Variants in SSPN observed in about 807,000 individuals in gnomAD.
SSPN encodes the protein K-ras oncogene-associated protein.
SSPN carries 15 observed loss-of-function variants against 19.1 expected under a neutral mutation model. That is an observed-to-expected ratio of 0.78 (90% CI 0.52 to 1.21). The LOEUF (loss-of-function observed/expected upper bound fraction) is 1.21. SSPN is among the 50% of genes most tolerant of loss of function. SSPN has a pLI of 0.00. For missense variants in SSPN, 291 were observed against 314.0 expected, an observed-to-expected ratio of 0.93 and a Z score of 0.55; for synonymous variants, 147 against 140.3, an observed-to-expected ratio of 1.05 and a Z score of -0.34.
At chr12:26,122,472 C>A in intron 1 of SSPN, 1 of 1,344,092 alleles carries the variant, frequency 7.4e-7, no homozygotes, top group Non-Finnish European at 9.6e-7. Flanking sequence ...GAAGGGCAGG[C>A]AGAAGGGGGC....
At chr12:26,158,034 G>A (rs1255880304) in intron 1 of SSPN, among the ~76,000 whole-genome samples, 1 of 151,600 alleles carries the variant, frequency 6.6e-6, no homozygotes, top group Non-Finnish European at 1.5e-5. Context: ...CCAAATCCAA[G>A]GCAACTAGAA....
intron 1 of SSPN, among the ~76,000 whole-genome samples, chr12:26,160,480 C>T (rs991700651): frequency 2.6e-5 from 4 of 152,194 alleles, no homozygotes; most frequent in African/African-American, 9.6e-5. Flanking sequence ...TGCTATTTTA[C>T]AGTAACAGCC....
At chr12:26,169,421 A>G (rs1179305850) in intron 1 of SSPN, among the ~76,000 whole-genome samples, 1 of 152,134 alleles carries the variant, frequency 6.6e-6, no homozygotes, top group African/African-American at 2.4e-5. Flanking sequence ...AACATTATAG[A>G]AGGAATACAA....
chr12:26,145,989 C>T (rs1040258234), intron 1 of SSPN, among the ~76,000 whole-genome samples: 2 of 152,230 alleles, frequency 1.3e-5, no homozygotes, highest in Admixed American at 1.3e-4. Flanking sequence ...GACCATTGCC[C>T]TCTCACATTA....
intron 2 of SSPN, 64 bp from the exon 3 acceptor site, chr12:26,230,647 C>A: frequency 6.6e-7 from 1 of 1,515,208 alleles, no homozygotes; most frequent in South Asian, 1.3e-5. Context: ...TTGATGAATT[C>A]GCTTTGCAAA....
intron 1 of SSPN, among the ~76,000 whole-genome samples, chr12:26,223,655 T>A (rs1945146453): frequency 6.6e-6 from 1 of 152,222 alleles, no homozygotes; most frequent in Non-Finnish European, 1.5e-5. Context: ...AAAGGCTTTG[T>A]GCCTTTTCTT....
intron 1 of SSPN, among the ~76,000 whole-genome samples, chr12:26,140,092 G>A (rs1212184475): frequency 6.6e-6 from 1 of 152,106 alleles, no homozygotes; most frequent in African/African-American, 2.4e-5. Flanking sequence ...GCAAGCTCCA[G>A]TCTCATAAAT....
At chr12:26,211,564 A>G (rs1229965867) in intron 1 of SSPN, 1 of 152,230 alleles carries the variant, frequency 6.6e-6, no homozygotes, top group African/African-American at 2.4e-5. Context: ...CATCAAAGAA[A>G]GCACACTATA....
intron 1 of SSPN, among the ~76,000 whole-genome samples, chr12:26,138,096 TA>T (rs575314225): frequency 1.5e-4 from 23 of 152,344 alleles, no homozygotes; most frequent in African/African-American, 2.9e-4. Context: ...CATTTGCTTA[TA>T]ACCTATGCAC....
At position 26,186,479 on chromosome 12, in the gene SSPN, T is replaced by C. The variant is rs76843937; in HGVS notation, c.-30-37814T>C. 2.9e-3 allele frequency among the ~76,000 whole-genome samples: 444 copies of C among 152,336 alleles called. 4 individuals carry two copies. The highest frequency in any genetic ancestry group is 0.01 in the African/African-American group (424 of 41,568). On this transcript the variant is annotated intron_variant, in intron 1 of 2. Transcript: ENST00000538142. ...GCAAAAGCATTATAAATAGACACCA[T>C]ATAAAATATCTCTCCTGCCCTAGAA...
At chr12:26,157,643 T>C (rs1475274716) in intron 1 of SSPN, among the ~76,000 whole-genome samples, 1 of 152,214 alleles carries the variant, frequency 6.6e-6, no homozygotes, top group African/African-American at 2.4e-5. Flanking sequence ...CTAGAAATAA[T>C]GGTCAAGGTG....
At chr12:26,169,015 T>C (rs1944637783) in intron 1 of SSPN, among the ~76,000 whole-genome samples, 1 of 139,546 alleles carries the variant, frequency 7.2e-6, no homozygotes, top group Middle Eastern at 3.6e-3. Flanking sequence ...TAAAGGAAGA[T>C]TATGGGCCTC....
intron 1 of SSPN, among the ~76,000 whole-genome samples, chr12:26,145,471 A>T (rs748813840): frequency 6.6e-6 from 1 of 152,160 alleles, no homozygotes; most frequent in East Asian, 1.9e-4. Flanking sequence ...GGAATTGGGG[A>T]AAAGTACAGG....
chr12:26,208,017 G>GT (rs752020994), intron 1 of SSPN, among the ~76,000 whole-genome samples: 64 of 102,330 alleles, frequency 6.3e-4, no homozygotes, highest in Non-Finnish European at 1.0e-3. Context: ...AGTGGTGGTG[G>GT]TGGGGGGGGG....
At chr12:26,156,679 G>A (rs189885536) in intron 1 of SSPN, among the ~76,000 whole-genome samples, 3 of 152,316 alleles carry the variant, frequency 2.0e-5, no homozygotes, top group African/African-American at 7.2e-5. Context: ...TGCTGACTGC[G>A]ACGGAAGTTT....
intron 1 of SSPN, among the ~76,000 whole-genome samples, chr12:26,157,169 T>G: frequency 6.6e-6 from 1 of 152,202 alleles, no homozygotes; most frequent in Admixed American, 6.5e-5. Flanking sequence ...GTGGTAGGGT[T>G]TTCCGGGTGC....
At chr12:26,203,839 T>C (rs1393337574) in intron 1 of SSPN, among the ~76,000 whole-genome samples, 1 of 152,154 alleles carries the variant, frequency 6.6e-6, no homozygotes, top group African/African-American at 2.4e-5. Flanking sequence ...CTTCCTGGCT[T>C]GCAGGCGGCT....
upstream of SSPN, among the ~76,000 whole-genome samples, chr12:26,192,112 G>T (rs1944792855): frequency 1.3e-5 from 2 of 152,132 alleles, no homozygotes; most frequent in Non-Finnish European, 2.9e-5. Flanking sequence ...TCAAAATAAT[G>T]TTAAGTTTGA....
intron 1 of SSPN, among the ~76,000 whole-genome samples, chr12:26,201,046 T>TATATAATATATATATATATATATATAAAA (rs59727119): frequency 5.8e-4 from 45 of 77,200 alleles, no homozygotes; most frequent in Admixed American, 2.9e-3. Flanking sequence ...TATATATATA[T>TATATAATATATATATATATATATATAAAA]TATATATATA....
Sources: allele counts gnomAD v4.1 joint callset (sites outside exome capture counted in the v4.1 genomes callset), GRCh38; gene constraint gnomAD v4.1.1; transcripts MANE v1.5; gene names NCBI Gene and HGNC (gene_info 2026-07-23, HGNC 2026-07-21).